DNAJB4: variants seen among roughly 807,000 people sequenced by gnomAD.
DNAJB4 encodes the protein DnaJ heat shock protein family (Hsp40) member B4.
In DNAJB4, 10 loss-of-function variants were observed where a neutral mutation model predicts 26.6. The ratio of observed to expected loss-of-function variants is 0.38; its 90% CI spans 0.23 to 0.64. The LOEUF is 0.64. Ranked by LOEUF, DNAJB4 falls within the 30% of genes least tolerant of loss-of-function variation. DNAJB4 has a pLI of 0.58. For missense variants in DNAJB4, 328 were observed against 408.2 expected, an observed-to-expected ratio of 0.80 and a Z score of 1.69; for synonymous variants, 136 against 134.8, an observed-to-expected ratio of 1.01 and a Z score of -0.06.
upstream of DNAJB4, chr1:78,004,471 A>G (rs1308912565): frequency 6.6e-6 from 1 of 152,180 alleles, no homozygotes; most frequent in African/African-American, 2.4e-5. Flanking sequence ...GACGACATAA[A>G]TTACTTGGAA....
chr1:77,991,141 A>C (rs1295773494), intron 1 of DNAJB4, among the ~76,000 whole-genome samples: 7 of 152,162 alleles, frequency 4.6e-5, no homozygotes, highest in African/African-American at 1.7e-4. Flanking sequence ...TGGAGTAGGG[A>C]AGAGGGAAAT....
At chr1:78,007,195 A>G (rs535147670) in intron 1 of DNAJB4, among the ~76,000 whole-genome samples, 141 of 152,156 alleles carry the variant, frequency 9.3e-4, no homozygotes, top group African/African-American at 3.3e-3. Context: ...GATATAAGTG[A>G]TAGAAGGAAA....
chr1:77,997,463 A>G (rs1660090248), intron 1 of DNAJB4, among the ~76,000 whole-genome samples: 1 of 151,976 alleles, frequency 6.6e-6, no homozygotes, highest in Non-Finnish European at 1.5e-5. Context: ...ATCTGTGACA[A>G]TGCCACTGCA....
chr1:78,002,982 G>A (rs1393507888), upstream of DNAJB4, among the ~76,000 whole-genome samples: 1 of 151,850 alleles, frequency 6.6e-6, no homozygotes, highest in African/African-American at 2.4e-5. Context: ...GTCAAGTTTT[G>A]ATAATATTCC....
In DNAJB4 at chr1:78,014,170, G is replaced by A. The variant is rs1389157679; in HGVS notation, c.780+551G>A. Among the ~76,000 whole-genome samples, 8 of 150,350 alleles carry A rather than the reference G, an allele frequency of 5.3e-5. No homozygotes were observed. In the East Asian group the frequency reaches 7.8e-4, roughly 15 times the overall value. ...AGAGTCTTGCTCTGTCACCCACAGC[G>A]CAATCTCGGCTCACTGCAACCTCTG... On this transcript the variant is annotated intron_variant, in intron 2 of 2. Transcript: ENST00000370763.
intron 1 of DNAJB4, among the ~76,000 whole-genome samples, chr1:77,999,111 T>C (rs1419840703): frequency 6.6e-6 from 1 of 152,206 alleles, no homozygotes; most frequent in African/African-American, 2.4e-5. Context: ...TAGGAAATTA[T>C]AGTATGTAGA....
At chr1:77,982,174 C>T (rs187878292) in intron 1 of DNAJB4, among the ~76,000 whole-genome samples, 3 of 152,290 alleles carry the variant, frequency 2.0e-5, no homozygotes, top group Admixed American at 1.3e-4. Context: ...CACTAATATA[C>T]TTGTAATTTC....
chr1:77,989,828 T>C (rs1659890809), intron 1 of DNAJB4, among the ~76,000 whole-genome samples: 2 of 152,340 alleles, frequency 1.3e-5, no homozygotes, highest in East Asian at 1.9e-4. Context: ...CTTTGTATTC[T>C]GCCGTTTTCA....
At chr1:77,989,165 A>G (rs1659872982) in intron 1 of DNAJB4, among the ~76,000 whole-genome samples, 1 of 152,200 alleles carries the variant, frequency 6.6e-6, no homozygotes, top group Non-Finnish European at 1.5e-5. Context: ...TCAAATTTAT[A>G]AATTGTCGTC....
chr1:77,980,579 A>T (rs1659569671), intron 1 of DNAJB4, among the ~76,000 whole-genome samples: 2 of 152,192 alleles, frequency 1.3e-5, no homozygotes, highest in South Asian at 4.1e-4. Context: ...TTTAAATAAC[A>T]AACAATGAGG....
At chr1:77,995,758 C>T (rs577455419) in intron 1 of DNAJB4, among the ~76,000 whole-genome samples, 2 of 152,278 alleles carry the variant, frequency 1.3e-5, no homozygotes, top group African/African-American at 4.8e-5. Flanking sequence ...GGGCCTAACT[C>T]AGTGTTTAAA....
rs1660642117 is a variant in DNAJB4 at position 78,016,314 on chromosome 1, G to C, written c.*67G>C. 3.0e-6 allele frequency: 4 copies of C among 1,326,944 alleles called. No homozygotes were observed. In the Admixed American group the frequency reaches 5.9e-5, roughly 20 times the overall value. The allele number at this position is 1,326,944 out of a possible 1,614,324, so 82.2% of individuals were successfully genotyped here. On this transcript the variant is annotated 3_prime_UTR_variant, in exon 3 of 3. Coordinates refer to ENST00000370763, the MANE Select transcript of DNAJB4 (RefSeq NM_007034.5). ...AATATAAAAGGACTGGTAGTTTACT[G>C]ATGTAGATGTGAATTCTGTATAAAG...
At chr1:78,000,970 G>A (rs1382359272), upstream of DNAJB4, among the ~76,000 whole-genome samples, 1 of 149,568 alleles carries the variant, frequency 6.7e-6, no homozygotes, top group Non-Finnish European at 1.5e-5. Flanking sequence ...ACCAGCCTGG[G>A]CGACAGAGCG....
intron 1 of DNAJB4, among the ~76,000 whole-genome samples, chr1:78,010,677 C>A (rs1660444100): frequency 6.6e-6 from 1 of 152,020 alleles, no homozygotes; most frequent in South Asian, 2.1e-4. Context: ...AGATATATAC[C>A]TTTTAATGGA....
At chr1:77,994,932 T>TAC (rs1571430907) in intron 1 of DNAJB4, among the ~76,000 whole-genome samples, 2 of 152,288 alleles carry the variant, frequency 1.3e-5, no homozygotes, top group East Asian at 3.9e-4. Flanking sequence ...GAGGTATGTA[T>TAC]GTGTGGTATA....
chr1:77,995,525 T>G (rs529576023), intron 1 of DNAJB4, among the ~76,000 whole-genome samples: 1 of 152,202 alleles, frequency 6.6e-6, no homozygotes, highest in African/African-American at 2.4e-5. Flanking sequence ...TGATCATGGC[T>G]TATTGCAGCC....
chr1:77,998,406 T>C (rs1660114520), intron 1 of DNAJB4, among the ~76,000 whole-genome samples: 1 of 152,188 alleles, frequency 6.6e-6, no homozygotes, highest in East Asian at 1.9e-4. Context: ...AAAAAGGACA[T>C]TTACAGGTAA....
At chr1:77,985,026 G>T (rs981710215) in intron 1 of DNAJB4, among the ~76,000 whole-genome samples, 1 of 152,166 alleles carries the variant, frequency 6.6e-6, no homozygotes, top group Admixed American at 6.5e-5. Flanking sequence ...TGAAGCATCG[G>T]TGTTTGGGTT....
upstream of DNAJB4, chr1:77,979,650 G>T (rs1428320376): frequency 6.6e-6 from 1 of 152,318 alleles, no homozygotes; most frequent in Non-Finnish European, 1.5e-5. Context: ...TTTACTTACA[G>T]ACTGTCCGAT....
Sources: allele counts gnomAD v4.1 joint callset (sites outside exome capture counted in the v4.1 genomes callset), GRCh38; gene constraint gnomAD v4.1.1; transcripts MANE v1.5; gene names NCBI Gene and HGNC (gene_info 2026-07-23, HGNC 2026-07-21).